The following SCIMP variants were observed in gnomAD, a reference collection of about 807,000 sequenced individuals.
SCIMP encodes the protein SLP adaptor and CSK interacting membrane protein, also known as SLP adapter and CSK-interacting membrane protein.
Under a neutral mutation model 22.0 loss-of-function variants are expected in SCIMP, and 18 were observed. The observed-to-expected ratio is 0.82, with a 90% CI of 0.56 to 1.21. The LOEUF is 1.21. Among genes scored for constraint, SCIMP ranks in the 50% most tolerant of loss-of-function variants. The probability of loss-of-function intolerance (pLI) is 0.00; values close to 1 mark genes in which losing one functional copy is unlikely to be tolerated. For synonymous variants in SCIMP, 53 were observed against 62.2 expected, an observed-to-expected ratio of 0.85 and a Z score of 0.70; for missense variants, 155 against 171.2, an observed-to-expected ratio of 0.91 and a Z score of 0.53.
At chr17:5,233,517 C>T (rs1036046752) in intron 1 of SCIMP, among the ~76,000 whole-genome samples, 11 of 152,148 alleles carry the variant, frequency 7.2e-5, no homozygotes, top group African/African-American at 1.2e-4. Context: ...GGGCTATAGG[C>T]GCCCACCACC....
intron 1 of SCIMP, among the ~76,000 whole-genome samples, chr17:5,233,339 G>T (rs2144355854): frequency 6.6e-6 from 1 of 151,186 alleles, no homozygotes; most frequent in South Asian, 2.1e-4. Flanking sequence ...ATACCAGTGT[G>T]ACCCTGTCCC....
chr17:5,213,224 G>T, intron 4 of SCIMP: 2 of 984,088 alleles, frequency 2.0e-6, no homozygotes, highest in Non-Finnish European at 2.4e-6. Flanking sequence ...TGGGTGCGTC[G>T]GTACTTATGC....
chr17:5,230,493 A>G (rs368120938), intron 1 of SCIMP, among the ~76,000 whole-genome samples: 2 of 152,166 alleles, frequency 1.3e-5, no homozygotes. Flanking sequence ...GGTGATGAGA[A>G]GAAGGGATGG....
chr17:5,227,700 G>A (rs1023744451), intron 1 of SCIMP, among the ~76,000 whole-genome samples: 1 of 152,172 alleles, frequency 6.6e-6, no homozygotes, highest in Non-Finnish European at 1.5e-5. Flanking sequence ...GCAGAGCAGT[G>A]CAATAGCACG....
At chr17:5,228,532 C>A (rs2074669634) in intron 1 of SCIMP, among the ~76,000 whole-genome samples, 1 of 151,818 alleles carries the variant, frequency 6.6e-6, no homozygotes, top group Admixed American at 6.6e-5. Flanking sequence ...ATAGTCCCAG[C>A]TACTCAAGAA....
intron 2 of SCIMP, among the ~76,000 whole-genome samples, chr17:5,222,620 A>C (rs1311508252): frequency 6.6e-6 from 1 of 152,098 alleles, no homozygotes; most frequent in East Asian, 1.9e-4. Context: ...GTGGCCAAAC[A>C]TGTTGGCTGT....
At chr17:5,230,095 A>G (rs2144346247) in intron 1 of SCIMP, among the ~76,000 whole-genome samples, 1 of 151,242 alleles carries the variant, frequency 6.6e-6, no homozygotes, top group African/African-American at 2.4e-5. Context: ...CCAAAGTACC[A>G]GGATTACAGG....
chr17:5,225,898 G>C (rs551296026), intron 1 of SCIMP, among the ~76,000 whole-genome samples: 2 of 152,258 alleles, frequency 1.3e-5, no homozygotes, highest in South Asian at 4.1e-4. Context: ...TGGGAACTGA[G>C]CTGTGAGATC....
intron 1 of SCIMP, among the ~76,000 whole-genome samples, chr17:5,231,733 C>T (rs148340637): frequency 5.3e-5 from 8 of 152,300 alleles, no homozygotes; most frequent in Non-Finnish European, 1.0e-4. Context: ...TTGGCTGCCT[C>T]ATGAATAAAT....
intron 1 of SCIMP, among the ~76,000 whole-genome samples, chr17:5,227,849 G>C (rs1284651485): frequency 8.2e-6 from 1 of 122,462 alleles, no homozygotes; most frequent in Non-Finnish European, 2.0e-5. Context: ...ACTCAGCTAC[G>C]TGAAGGGATG....
At position 5,223,403 on chromosome 17, in the gene SCIMP, C is replaced by T. The variant is rs1271918453; in HGVS notation, c.75G>A (p.Val25=). ...GACCCACAGAGACAACGATGATGGC[C>T]ACAGCTAAGATGATCCAGAAATTAT... ...WRNNFWIILA[V]AIIVVSVGLG... is the part of the protein sequence containing the mutation. Residue 25 remains valine, a synonymous_variant, in exon 2 of 5, where the codon GTG becomes GTA. Transcript: ENST00000574081. 1.2e-6 allele frequency: 2 copies of T among 1,613,562 alleles called. No homozygotes were observed. Among genetic ancestry groups the T allele is most frequent in the South Asian group, 2.2e-5 (2 of 91,046 alleles).
intron 4 of SCIMP, chr17:5,213,137 G>GT: frequency 1.0e-6 from 1 of 983,280 alleles, no homozygotes; most frequent in Non-Finnish European, 1.2e-6. Context: ...GAAAGGCCTA[G>GT]TGACACCCCA....
At chr17:5,212,766 A>G (rs2074535060) in intron 4 of SCIMP, among the ~76,000 whole-genome samples, 1 of 152,242 alleles carries the variant, frequency 6.6e-6, no homozygotes, top group South Asian at 2.1e-4. Context: ...AATATTATTT[A>G]TCTATCCAAT....
chr17:5,234,776 A>G lies in SCIMP; in HGVS notation c.-21T>C, dbSNP rs200146920. ...TCCATATGTGAGCAGCTAAGGAGACAGCAGTGGCTGGAGTGCTGCAGCTCA... is the reference window on the plus strand; with the variant it reads ...TCCATATGTGAGCAGCTAAGGAGACGGCAGTGGCTGGAGTGCTGCAGCTCA... On this transcript the variant is annotated 5_prime_UTR_variant, in exon 1 of 5. Coordinates refer to ENST00000574081, the MANE Select transcript of SCIMP (RefSeq NM_207103.3). The G allele has an allele frequency of 1.9e-6, 3 of 1,607,108 alleles. No homozygotes were observed. Among genetic ancestry groups the G allele is most frequent in the East Asian group, 2.2e-5 (1 of 44,728 alleles).
rs541726833 is a variant in SCIMP, at chr17:5,224,238, C to T, written c.22-782G>A. 8.6e-5 allele frequency among the ~76,000 whole-genome samples: 13 copies of T among 151,380 alleles called. No homozygotes were observed. The South Asian group carries it at 2.1e-3, about 24-fold the overall frequency. On this transcript the variant is annotated intron_variant, in intron 1 of 4. Transcript: ENST00000574081. ...CAAACTCTGCTTCCTGGGTTCACATCATTCTCCTGCCTCAGCCTCCCGAGT... is the reference window on the plus strand; with the variant it reads ...CAAACTCTGCTTCCTGGGTTCACATTATTCTCCTGCCTCAGCCTCCCGAGT...
Position 5,214,973 on chromosome 17 carries a change from G to T in SCIMP, c.235C>A (p.Gln79Lys). 1 of 1,603,494 alleles carries T rather than the reference G, an allele frequency of 6.2e-7. No homozygotes were observed. The highest frequency in any genetic ancestry group is 8.5e-7 in the Non-Finnish European group (1 of 1,172,748). Residue 79 changes from glutamine to lysine, a missense_variant, in exon 4 of 5, where the codon CAA becomes AAA. Coordinates refer to ENST00000574081, the MANE Select transcript of SCIMP (RefSeq NM_207103.3). ...YENVLNESPV[Q>K]LPPLPPRNWP... Reference sequence around the variant, plus strand: ...TTCCTCGGTGGCAGAGGCGGTAATTGAACTGGCGACTCATTAAGAACATTC... The same window carrying T: ...TTCCTCGGTGGCAGAGGCGGTAATTTAACTGGCGACTCATTAAGAACATTC...
chr17:5,214,920 C>T lies in SCIMP; in HGVS notation c.283+5G>A. ...ATGAAACTGCTACCAGTAAAATATA[C>T]TTACAAGAGTCTTCTAGAGAAGGCC... On this transcript the variant is annotated splice_donor_5th_base_variant and intron_variant, in intron 4 of 4. Transcript: ENST00000574081. 7.2e-7 allele frequency: 1 copy of T among 1,391,764 alleles called. No individual in the cohort carries two copies. The highest frequency in any genetic ancestry group is 9.8e-7 in the Non-Finnish European group (1 of 1,025,212). The allele number at this position is 1,391,764 out of a possible 1,614,324, so 86.2% of individuals were successfully genotyped here. A position where few individuals can be genotyped will look rare whatever the true frequency, so the allele number is the denominator to read the frequency against.
intron 1 of SCIMP, among the ~76,000 whole-genome samples, chr17:5,227,287 C>CA (rs1413391429): frequency 9.1e-5 from 9 of 99,092 alleles, no homozygotes; most frequent in Middle Eastern, 4.9e-3. Context: ...TATACACACA[C>CA]ACACAACACA....
chr17:5,223,128 C>G (rs1336559089), intron 2 of SCIMP, among the ~76,000 whole-genome samples: 1 of 152,126 alleles, frequency 6.6e-6, no homozygotes, highest in Admixed American at 6.6e-5. Flanking sequence ...GTTGATGTCC[C>G]TCCTTTCACT....
Sources: allele counts gnomAD v4.1 joint callset (sites outside exome capture counted in the v4.1 genomes callset), GRCh38; gene constraint gnomAD v4.1.1; transcripts MANE v1.5; gene names NCBI Gene and HGNC (gene_info 2026-07-23, HGNC 2026-07-21).